Variants in BTG4 observed in about 807,000 individuals in gnomAD.
BTG4 encodes the protein protein BTG4.
BTG4 carries 10 observed loss-of-function variants against 19.3 expected under a neutral mutation model. The ratio of observed to expected loss-of-function variants is 0.52; its 90% CI spans 0.32 to 0.88. The LOEUF is 0.88. Among genes scored for constraint, BTG4 ranks in the 40% least tolerant of loss-of-function variants. The pLI, the probability that BTG4 is intolerant of heterozygous loss-of-function variation, is 0.04. For synonymous variants in BTG4, 91 were observed against 95.7 expected, an observed-to-expected ratio of 0.95 and a Z score of 0.29; for missense variants, 238 against 281.9, an observed-to-expected ratio of 0.84 and a Z score of 1.11.
chr11:111,504,939 A>G (rs375086996), intron 1 of BTG4, among the ~76,000 whole-genome samples: 1 of 152,226 alleles, frequency 6.6e-6, no homozygotes, highest in African/African-American at 2.4e-5. Flanking sequence ...TACAAGGAGA[A>G]CTACAAAACA....
At chr11:111,451,420 G>A in the BTG4 span, 10 of 452,894 alleles carry the variant, frequency 2.2e-5, no homozygotes, top group Middle Eastern at 6.5e-4. Flanking sequence ...GTTTGTCTAC[G>A]ATAATTTGCC....
At chr11:111,413,921 G>A in the BTG4 span, among the ~76,000 whole-genome samples, 20,045 of 152,134 alleles carry the variant, frequency 0.13, 1,923 homozygotes, top group African/African-American at 0.27. Context: ...TACAACTGGC[G>A]TAGCTCCAGC....
chr11:111,406,321 T>C, the BTG4 span, among the ~76,000 whole-genome samples: 1 of 152,302 alleles, frequency 6.6e-6, no homozygotes, highest in South Asian at 2.1e-4. Flanking sequence ...CAGGTGACTG[T>C]CAGCTTCTGC....
At chr11:111,465,027 GAAAAGGGAAA>G (rs1488436910), downstream of BTG4, among the ~76,000 whole-genome samples, 2 of 152,034 alleles carry the variant, frequency 1.3e-5, no homozygotes, top group East Asian at 3.8e-4. Context: ...GGGAAAAAAT[GAAAAGGGAAA>G]AAAACAGAAG....
intron 1 of BTG4, among the ~76,000 whole-genome samples, chr11:111,510,597 A>G (rs548205544): frequency 6.6e-4 from 101 of 151,908 alleles, no homozygotes; most frequent in African/African-American, 2.4e-3. Flanking sequence ...TTCTCTAGTA[A>G]CTGCAGGCCA....
the BTG4 span, among the ~76,000 whole-genome samples, chr11:111,419,435 G>A: frequency 1.1e-4 from 17 of 152,172 alleles, no homozygotes; most frequent in African/African-American, 1.4e-4. Flanking sequence ...CGTGCCCCTC[G>A]CCCCTTGGCC....
chr11:111,420,236 G>A, the BTG4 span, among the ~76,000 whole-genome samples: 1 of 152,216 alleles, frequency 6.6e-6, no homozygotes, highest in Admixed American at 6.5e-5. Flanking sequence ...AGATATTAAA[G>A]TTTCCTTTAA....
chr11:111,510,637 CT>C lies in BTG4; in HGVS notation c.-27+1543del, dbSNP rs113662105. Reference sequence around the variant, plus strand: ...AACAGCAACCCTAAGAACAAGCATTCTTTTTTTTTTTTCAACAGAACTAGGC... The same window carrying C: ...AACAGCAACCCTAAGAACAAGCATTCTTTTTTTTTTTCAACAGAACTAGGC... On this transcript the variant is annotated intron_variant, in intron 1 of 4. Coordinates refer to ENST00000692032, the MANE Select transcript of BTG4 (RefSeq NM_001367975.1). Among the ~76,000 whole-genome samples the C allele has an allele frequency of 8.3e-3, 1,193 of 144,098 alleles. 15 individuals are homozygous for C. Among genetic ancestry groups the C allele is most frequent in the African/African-American group, 0.027 (1,076 of 39,536 alleles). 94.5% of individuals were successfully genotyped at this position (144,098 alleles called of 152,430 possible). A position where few individuals can be genotyped will look rare whatever the true frequency, so the allele number is the denominator to read the frequency against.
chr11:111,419,080 G>A, the BTG4 span, among the ~76,000 whole-genome samples: 2 of 152,216 alleles, frequency 1.3e-5, no homozygotes, highest in Middle Eastern at 6.8e-3. Flanking sequence ...CAGTCATATT[G>A]GATTAGGGCC....
chr11:111,437,962 A>G, the BTG4 span, among the ~76,000 whole-genome samples: 2 of 152,256 alleles, frequency 1.3e-5, no homozygotes, highest in South Asian at 4.2e-4. Context: ...CCAGGCCCAT[A>G]GCCCCCCAAG....
the BTG4 span, among the ~76,000 whole-genome samples, chr11:111,437,823 C>A: frequency 6.6e-6 from 1 of 152,198 alleles, no homozygotes; most frequent in Admixed American, 6.5e-5. Flanking sequence ...AGCTTAGCTA[C>A]TCAGCCTTCC....
At chr11:111,488,015 A>G (rs1019387789) in intron 5 of BTG4, among the ~76,000 whole-genome samples, 1 of 152,192 alleles carries the variant, frequency 6.6e-6, no homozygotes, top group African/African-American at 2.4e-5. Flanking sequence ...ATAGTGTTAA[A>G]ATGTCCATGG....
chr11:111,416,522 G>A, the BTG4 span: 2 of 152,138 alleles, frequency 1.3e-5, no homozygotes, highest in Non-Finnish European at 2.9e-5. Context: ...ATCATGGAAG[G>A]GAGTGAGTTG....
the BTG4 span, among the ~76,000 whole-genome samples, chr11:111,447,330 T>G: frequency 2.0e-5 from 3 of 152,344 alleles, 1 homozygote; most frequent in Admixed American, 2.0e-4. Context: ...ACCGCAGTCT[T>G]CTTTATAAAC....
downstream of BTG4, among the ~76,000 whole-genome samples, chr11:111,492,440 G>A (rs75024363): frequency 2.6e-5 from 4 of 152,212 alleles, no homozygotes; most frequent in Admixed American, 6.5e-5. Flanking sequence ...TTTTTACAGC[G>A]ATTAGTTCTC....
At chr11:111,439,066 G>A in the BTG4 span, among the ~76,000 whole-genome samples, 4 of 152,212 alleles carry the variant, frequency 2.6e-5, no homozygotes, top group African/African-American at 7.2e-5. Flanking sequence ...CACCCGCTGG[G>A]CAGCTAAGCC....
the BTG4 span, among the ~76,000 whole-genome samples, chr11:111,445,140 G>A: frequency 6.6e-6 from 1 of 152,132 alleles, no homozygotes; most frequent in Non-Finnish European, 1.5e-5. Context: ...ATTACTGATG[G>A]GTATTGGGGA....
the BTG4 span, among the ~76,000 whole-genome samples, chr11:111,454,659 G>T: frequency 6.6e-6 from 1 of 152,184 alleles, no homozygotes; most frequent in African/African-American, 2.4e-5. Context: ...GCCCAACTAG[G>T]TGAGCAAATT....
the BTG4 span, among the ~76,000 whole-genome samples, chr11:111,422,950 C>T: frequency 6.6e-6 from 1 of 152,202 alleles, no homozygotes; most frequent in Admixed American, 6.5e-5. Context: ...TTTTCCCCCA[C>T]CTTAGTGAGA....
Sources: allele counts gnomAD v4.1 joint callset (sites outside exome capture counted in the v4.1 genomes callset), GRCh38; gene constraint gnomAD v4.1.1; transcripts MANE v1.5; gene names NCBI Gene and HGNC (gene_info 2026-07-23, HGNC 2026-07-21).